SDCCAG8: variants seen among roughly 807,000 people sequenced by gnomAD.
SDCCAG8 encodes SHH signaling and ciliogenesis regulator SDCCAG8.
A neutral mutation model predicts 101.8 loss-of-function variants in SDCCAG8; 74 were observed. That is an observed-to-expected ratio of 0.73 (90% CI 0.60 to 0.88). The LOEUF (loss-of-function observed/expected upper bound fraction) is 0.88. Ranked by LOEUF, SDCCAG8 falls within the 40% of genes least tolerant of loss-of-function variation. The pLI is 0.00. For synonymous variants in SDCCAG8, 281 were observed against 292.9 expected, an observed-to-expected ratio of 0.96 and a Z score of 0.41; for missense variants, 787 against 822.6, an observed-to-expected ratio of 0.96 and a Z score of 0.53.
chr1:243,464,230 T>C (rs1483848769), intron 16 of SDCCAG8, among the ~76,000 whole-genome samples: 3 of 152,194 alleles, frequency 2.0e-5, no homozygotes, highest in Non-Finnish European at 4.4e-5. Context: ...GTTACACGAA[T>C]TGTTTTCGGG....
intron 1 of SDCCAG8, among the ~76,000 whole-genome samples, chr1:243,260,437 C>G (rs777672608): frequency 4.3e-4 from 66 of 152,182 alleles, no homozygotes; most frequent in Non-Finnish European, 8.7e-4. Flanking sequence ...TTCAATACAT[C>G]GTTGTATAAA....
chr1:243,261,817 A>G (rs1209345790), intron 1 of SDCCAG8, among the ~76,000 whole-genome samples: 2 of 149,024 alleles, frequency 1.3e-5, no homozygotes, highest in Admixed American at 6.7e-5. Context: ...AATTATACAT[A>G]TTCATCTTTT....
intron 9 of SDCCAG8, among the ~76,000 whole-genome samples, chr1:243,320,603 C>A (rs2073674528): frequency 6.6e-6 from 1 of 152,128 alleles, no homozygotes; most frequent in Non-Finnish European, 1.5e-5. Context: ...ACTTCTGGCC[C>A]CACCATTCAC....
At chr1:243,259,361 C>G (rs530959699) in intron 1 of SDCCAG8, among the ~76,000 whole-genome samples, 187 of 151,746 alleles carry the variant, frequency 1.2e-3, no homozygotes, top group African/African-American at 4.4e-3. Flanking sequence ...GAGCCGAGAT[C>G]GCGCCACTGC....
intron 4 of SDCCAG8, among the ~76,000 whole-genome samples, chr1:243,282,714 C>T (rs1209829973): frequency 2.6e-5 from 4 of 152,272 alleles, no homozygotes; most frequent in Non-Finnish European, 5.9e-5. Context: ...TTTCTTTTAA[C>T]ACTTTAAAAA....
chr1:243,290,741 C>G (rs995173509), intron 5 of SDCCAG8, among the ~76,000 whole-genome samples: 1 of 152,192 alleles, frequency 6.6e-6, no homozygotes, highest in African/African-American at 2.4e-5. Context: ...CTTACCCTTA[C>G]TTATCCTTCA....
chr1:243,487,591 C>G (rs1252610941), intron 16 of SDCCAG8, among the ~76,000 whole-genome samples: 1 of 152,062 alleles, frequency 6.6e-6, no homozygotes, highest in East Asian at 1.9e-4. Context: ...CTGGCTGTTG[C>G]CCAGGCTCCA....
intron 13 of SDCCAG8, among the ~76,000 whole-genome samples, chr1:243,412,395 G>T (rs1422411110): frequency 6.6e-6 from 1 of 152,084 alleles, no homozygotes; most frequent in African/African-American, 2.4e-5. Context: ...AAACAAAAAG[G>T]CCCGTGCATA....
chr1:243,286,175 AGTC>A (rs1197579092), intron 4 of SDCCAG8, 94 bp from the exon 5 acceptor site: 1 of 1,214,678 alleles, frequency 8.2e-7, no homozygotes, highest in African/African-American at 1.5e-5. Context: ...GGAGAACATA[AGTC>A]TTCCGTACTT....
rs2071700549 is a variant in SDCCAG8 at position 243,303,084 on chromosome 1, G to GA, written c.676-1628dup. On this transcript the variant is annotated intron_variant, in intron 6 of 17. Transcript: ENST00000366541. ...TGGGAGTGAAGGGTTTCAAGATAGA[G>GA]ATCTTGGAGAAATTCGAGAGCTAAT... Among the ~76,000 whole-genome samples the GA allele has an allele frequency of 2.0e-5, 3 of 152,304 alleles. No homozygotes were observed. The East Asian group carries it at 5.8e-4, about 29-fold the overall frequency.
chr1:243,421,383 T>C (rs903146474), intron 15 of SDCCAG8, among the ~76,000 whole-genome samples: 1 of 152,340 alleles, frequency 6.6e-6, no homozygotes, highest in East Asian at 1.9e-4. Context: ...CCTTACTCTC[T>C]GCCCCAGCTT....
At chr1:243,275,856 G>GTTTT (rs11344816) in intron 4 of SDCCAG8, among the ~76,000 whole-genome samples, 8 of 59,158 alleles carry the variant, frequency 1.4e-4, no homozygotes, top group Non-Finnish European at 2.1e-4. Flanking sequence ...TTGAACCAAT[G>GTTTT]TTTTTTTTTT....
intron 6 of SDCCAG8, among the ~76,000 whole-genome samples, chr1:243,296,813 G>C (rs1278660301): frequency 6.6e-6 from 1 of 151,804 alleles, no homozygotes; most frequent in Non-Finnish European, 1.5e-5. Context: ...GATTACAGGC[G>C]TGAGCCACCG....
Position 243,387,842 on chromosome 1 carries a change from A to G in SDCCAG8, c.1616+8979A>G, listed in dbSNP as rs984779047. ...GCAATTCTCGTGTCTCACCCTCCCAAGTAGCTGGGATTACAGGTAGGCACC... is the reference window on the plus strand; with the variant it reads ...GCAATTCTCGTGTCTCACCCTCCCAGGTAGCTGGGATTACAGGTAGGCACC... On this transcript the variant is annotated intron_variant, in intron 13 of 17. Coordinates refer to ENST00000366541, the MANE Select transcript of SDCCAG8 (RefSeq NM_006642.5). 2.0e-5 allele frequency among the ~76,000 whole-genome samples: 3 copies of G among 152,086 alleles called. No homozygotes were observed. In the East Asian group the frequency reaches 5.8e-4, roughly 29 times the overall value.
At chr1:243,483,808 C>T (rs568260374) in intron 16 of SDCCAG8, among the ~76,000 whole-genome samples, 1 of 152,350 alleles carries the variant, frequency 6.6e-6, no homozygotes, top group African/African-American at 2.4e-5. Context: ...CCACTGCCAG[C>T]CATTGAAGGC....
At chr1:243,453,791 C>T (rs1412831469) in intron 16 of SDCCAG8, among the ~76,000 whole-genome samples, 1 of 152,000 alleles carries the variant, frequency 6.6e-6, no homozygotes, top group Non-Finnish European at 1.5e-5. Flanking sequence ...TATATAATAC[C>T]AGGACTGAGT....
intron 13 of SDCCAG8, among the ~76,000 whole-genome samples, chr1:243,403,008 A>G (rs949948538): frequency 2.0e-5 from 3 of 152,204 alleles, no homozygotes; most frequent in Admixed American, 6.5e-5. Context: ...TTGCCGTTAT[A>G]TGTTGAAGAG....
At chr1:243,256,273 G>C (rs773387976) in intron 1 of SDCCAG8, 33 bp downstream of exon 1, 3 of 1,596,524 alleles carry the variant, frequency 1.9e-6, no homozygotes, top group Non-Finnish European at 2.6e-6. Flanking sequence ...CCCTAGCCCC[G>C]AGGTGCCCAG....
chr1:243,312,536 A>G (rs2072831008), intron 8 of SDCCAG8, among the ~76,000 whole-genome samples: 2 of 152,040 alleles, frequency 1.3e-5, no homozygotes, highest in Non-Finnish European at 2.9e-5. Context: ...GTGAAACCCC[A>G]TCTCTACTAA....
Sources: allele counts gnomAD v4.1 joint callset (sites outside exome capture counted in the v4.1 genomes callset), GRCh38; gene constraint gnomAD v4.1.1; transcripts MANE v1.5; gene names NCBI Gene and HGNC (gene_info 2026-07-23, HGNC 2026-07-21).